The following IFT122 variants were observed in gnomAD, a reference collection of about 807,000 sequenced individuals.
IFT122 encodes intraflagellar transport 122, also known as intraflagellar transport protein 122 homolog.
A neutral mutation model predicts 161.6 loss-of-function variants in IFT122; 118 were observed. The observed-to-expected ratio is 0.73, with a 90% CI of 0.63 to 0.85. The LOEUF is 0.85. Ranked by LOEUF, IFT122 falls within the 40% of genes least tolerant of loss-of-function variation. The pLI, the probability that IFT122 is intolerant of heterozygous loss-of-function variation, is 0.00. For missense variants in IFT122, 1,381 were observed against 1,579.6 expected, an observed-to-expected ratio of 0.87 and a Z score of 2.13; for synonymous variants, 550 against 602.4, an observed-to-expected ratio of 0.91 and a Z score of 1.27.
intron 19 of IFT122, among the ~76,000 whole-genome samples, chr3:129,500,845 G>A (rs2081445229): frequency 1.3e-5 from 2 of 152,186 alleles, no homozygotes; most frequent in Non-Finnish European, 2.9e-5. Context: ...TGCCAATAGT[G>A]AGTGACCACC....
chr3:129,500,926 G>A lies in IFT122; in HGVS notation c.2375+858G>A, dbSNP rs74498035. Among the ~76,000 whole-genome samples the A allele has an allele frequency of 7.8e-3, 1,190 of 152,332 alleles. 10 individuals are homozygous for A. Among genetic ancestry groups the A allele is most frequent in the Non-Finnish European group, 0.014 (926 of 68,026 alleles). Reference sequence around the variant, plus strand: ...ATAACTGGCTAGTGCAGTAGAGCAGGAGGGAACTTGGTAGCTGAGGGCATG... The same window carrying A: ...ATAACTGGCTAGTGCAGTAGAGCAGAAGGGAACTTGGTAGCTGAGGGCATG... On this transcript the variant is annotated intron_variant, in intron 19 of 29. Transcript: ENST00000348417.
At chr3:129,474,659 TG>T in intron 9 of IFT122, among the ~76,000 whole-genome samples, 1 of 152,214 alleles carries the variant, frequency 6.6e-6, no homozygotes, top group East Asian at 1.9e-4. Context: ...TGTGGAGGCC[TG>T]AAAAAGCATT....
chr3:129,476,475 C>A lies in IFT122; in HGVS notation c.977C>A (p.Thr326Lys), dbSNP rs1389723772. 1 of 1,614,060 alleles carries A rather than the reference C, an allele frequency of 6.2e-7. No homozygotes were observed. The highest frequency in any genetic ancestry group is 1.1e-5 in the South Asian group (1 of 91,078). ...TVGEQNSWVW[T>K]CQAKPDSNYV... is the part of the protein sequence containing the mutation. ...GGGGAGCAGAACTCCTGGGTGTGGA[C>A]GTGTCAAGCGAAACCGGATTCCAAC... is the stretch of plus-strand genomic sequence containing the variant. Residue 326 changes from threonine (T) to lysine (K), a missense_variant, in exon 10 of 30, where the codon ACG becomes AAG. By Grantham distance (78) the Thr-to-Lys change is moderately conservative. This residue lies in a region of IFT122 where 544 missense variants were observed against 648.0 expected (regional missense o/e 0.84). Transcript: ENST00000348417.
In IFT122 at chr3:129,463,640, T is replaced by A. The variant is rs767283750; in HGVS notation, c.416+14T>A. 1 of 1,599,378 alleles carries A rather than the reference T, an allele frequency of 6.3e-7. No individual in the cohort carries two copies. Among genetic ancestry groups the A allele is most frequent in the Admixed American group, 1.7e-5 (1 of 60,006 alleles). On this transcript the variant is annotated intron_variant, in intron 6 of 29. Coordinates refer to ENST00000348417, the MANE Select transcript of IFT122 (RefSeq NM_052989.3). The stretch of plus-strand genomic sequence containing the variant: ...CATCTGCTGCAGGTAAGTGCAGCTC[T>A]GACGATAAGATTTATGTTCCTTCAT...
intron 8 of IFT122, among the ~76,000 whole-genome samples, chr3:129,468,991 A>G (rs1204687507): frequency 6.6e-6 from 1 of 152,236 alleles, no homozygotes; most frequent in Non-Finnish European, 1.5e-5. Flanking sequence ...AGTATGTAAG[A>G]GAAAAGCAGT....
intron 4 of IFT122, among the ~76,000 whole-genome samples, chr3:129,460,428 T>C (rs2108059714): frequency 6.6e-6 from 1 of 151,430 alleles, no homozygotes; most frequent in Middle Eastern, 3.4e-3. Context: ...CAGAATTTAC[T>C]TCCTTTTTTT....
At chr3:129,496,469 T>G (rs1280940407) in intron 18 of IFT122, among the ~76,000 whole-genome samples, 1 of 152,214 alleles carries the variant, frequency 6.6e-6, no homozygotes, top group African/African-American at 2.4e-5. Flanking sequence ...TGTTATGAAG[T>G]GACTCATCAG....
At chr3:129,506,660 T>C (rs766687299) in intron 22 of IFT122, 111 bp downstream of exon 22, 10 of 1,455,620 alleles carry the variant, frequency 6.9e-6, no homozygotes, top group Admixed American at 3.3e-5. Flanking sequence ...GTTTATTGGG[T>C]GTATTGTCCA....
intron 27 of IFT122, among the ~76,000 whole-genome samples, chr3:129,517,878 G>A (rs1560030536): frequency 6.6e-6 from 1 of 152,202 alleles, no homozygotes; most frequent in Non-Finnish European, 1.5e-5. Flanking sequence ...CTGTGCCTCT[G>A]TCTGTGCATA....
At chr3:129,454,559 A>ATGTGTGTGTGTG (rs1553734649) in intron 3 of IFT122, among the ~76,000 whole-genome samples, 8 of 95,880 alleles carry the variant, frequency 8.3e-5, no homozygotes, top group African/African-American at 2.7e-4. Flanking sequence ...GTGTGTGTGC[A>ATGTGTGTGTGTG]TGTTTGAGTT....
intron 7 of IFT122, among the ~76,000 whole-genome samples, chr3:129,465,153 GTGTGTGT>G (rs2076602470): frequency 7.4e-6 from 1 of 135,488 alleles, no homozygotes. Context: ...GTGTGTGTGT[GTGTGTGT>G]GGTGTGTGAG....
intron 19 of IFT122, among the ~76,000 whole-genome samples, chr3:129,500,581 A>C (rs919544016): frequency 1.3e-5 from 2 of 152,248 alleles, no homozygotes; most frequent in African/African-American, 4.8e-5. Context: ...AAGAATTCTT[A>C]TGGGAGGAAC....
chr3:129,519,438 G>T, intron 28 of IFT122, 130 bp from the exon 29 acceptor site: 1 of 1,319,296 alleles, frequency 7.6e-7, no homozygotes, highest in Non-Finnish European at 1.1e-6. Context: ...GCTTGCCACT[G>T]TTAGGGTCAC....
chr3:129,455,903 AG>A (rs2075421449), intron 3 of IFT122, among the ~76,000 whole-genome samples: 1 of 111,020 alleles, frequency 9.0e-6, no homozygotes, highest in South Asian at 3.7e-4. Context: ...TAGGCTGAGG[AG>A]GAGGAGGAGG....
rs989176064 is a variant in IFT122 at position 129,458,627 on chromosome 3, C to T, written c.222C>T (p.Asp74=). ...DGKRFASGSA[D]KSVIIWTSKL... ...AGCGCTTTGCTTCTGGATCAGCTGA[C>T]AAAAGCGTTATTATCTGGACATCAA... Residue 74 remains aspartate, a synonymous_variant, in exon 4 of 30, where the codon GAC becomes GAT. Coordinates refer to ENST00000348417, the MANE Select transcript of IFT122 (RefSeq NM_052989.3). The T allele has an allele frequency of 1.5e-5, 24 of 1,613,958 alleles. No individual in the cohort carries two copies. The highest frequency in any genetic ancestry group is 1.9e-5 in the Non-Finnish European group (23 of 1,179,934).
At chr3:129,519,847 T>A in intron 29 of IFT122, 115 bp downstream of exon 29, 1 of 1,282,112 alleles carries the variant, frequency 7.8e-7, no homozygotes. Context: ...TGGCTCCAAG[T>A]TGGGACAGAG....
rs780608076 is a variant in IFT122, at chr3:129,470,336, T to C, written c.816+919T>C. On this transcript the variant is annotated intron_variant, in intron 9 of 29. Coordinates refer to ENST00000348417, the MANE Select transcript of IFT122 (RefSeq NM_052989.3). ...TGGAGTGCAGTGGCTCAGTCTTGGC[T>C]CACTGCAAGCTCCGCCTCCTGGGTT... 3.6e-4 allele frequency among the ~76,000 whole-genome samples: 55 copies of C among 152,240 alleles called. 1 individual carries two copies. The Middle Eastern group carries it at 0.014, about 38-fold the overall frequency.
intron 23 of IFT122, among the ~76,000 whole-genome samples, chr3:129,510,230 C>T (rs949817719): frequency 3.3e-5 from 5 of 152,218 alleles, no homozygotes; most frequent in South Asian, 2.1e-4. Flanking sequence ...CCAGCCTTCC[C>T]GCCGTTCTTT....
At chr3:129,491,703 T>C (rs1465518655) in intron 16 of IFT122, among the ~76,000 whole-genome samples, 2 of 152,130 alleles carry the variant, frequency 1.3e-5, no homozygotes, top group Non-Finnish European at 2.9e-5. Context: ...TGGGTAGGCA[T>C]AGCTGTCCCC....
Sources: gnomAD v4.1 joint callset for allele counts (sites outside exome capture counted in the v4.1 genomes callset) on GRCh38, gnomAD v4.1.1 for gene constraint, gnomAD v4.1.1 regional missense constraint, MANE v1.5 for transcripts, NCBI Gene and HGNC (gene_info 2026-07-23, HGNC 2026-07-21) for gene names.